MYH11: variants seen among roughly 807,000 people sequenced by gnomAD.
MYH11 encodes myosin heavy chain 11.
Under a neutral mutation model 246.6 loss-of-function variants are expected in MYH11, and 80 were observed. The observed-to-expected ratio is 0.32, with a 90% CI of 0.27 to 0.39. The LOEUF (loss-of-function observed/expected upper bound fraction) is 0.39, where lower values mean the gene tolerates loss of function less well. Ranked by LOEUF, MYH11 falls within the 10% of genes least tolerant of loss-of-function variation. MYH11 has a pLI of 1.00. For missense variants in MYH11, 2,158 were observed against 2,546.8 expected (o/e 0.85, Z 3.29); for synonymous variants, 1,071 against 1,015.5 (o/e 1.05, Z -1.04).
chr16:15,704,333 T>G (rs2039337754), intron 40 of MYH11, among the ~76,000 whole-genome samples: 2 of 152,164 alleles, frequency 1.3e-5, no homozygotes, highest in East Asian at 3.8e-4. Flanking sequence ...GTGATTGAAT[T>G]TAATCAGCTG....
chr16:15,839,555 G>A (rs1401157354), intron 1 of MYH11, among the ~76,000 whole-genome samples: 2 of 151,854 alleles, frequency 1.3e-5, no homozygotes, highest in African/African-American at 4.8e-5. Flanking sequence ...TTAATGGAGT[G>A]TGGTGGCACA....
intron 4 of MYH11, among the ~76,000 whole-genome samples, chr16:15,792,926 G>T (rs116947510): frequency 0.026 from 3,921 of 152,098 alleles, 76 homozygotes; most frequent in South Asian, 0.036. Context: ...GTAGAGAGGG[G>T]GTTTGGCCAT....
chr16:15,712,882 G>GTTTTTTTTTTTTTTGTTTTTTTTTTT (rs59799809), intron 40 of MYH11: 1 of 90,636 alleles, frequency 1.1e-5, no homozygotes, highest in African/African-American at 4.5e-5. Context: ...TTCACATACA[G>GTTTTTTTTTTTTTTGTTTTTTTTTTT]TTTTTTTTTT....
At chr16:15,773,532 C>T (rs535468819) in intron 8 of MYH11, among the ~76,000 whole-genome samples, 5 of 152,126 alleles carry the variant, frequency 3.3e-5, no homozygotes, top group African/African-American at 9.6e-5. Context: ...GTGATCCACC[C>T]GCCTCAGCCT....
chr16:15,791,481 A>C (rs1341961325), intron 4 of MYH11: 1 of 152,180 alleles, frequency 6.6e-6, no homozygotes, highest in Non-Finnish European at 1.5e-5. Context: ...CCCAGGCAGA[A>C]GCAACGCCTC....
intron 2 of MYH11, among the ~76,000 whole-genome samples, chr16:15,832,501 C>T (rs1473695491): frequency 6.6e-6 from 1 of 152,216 alleles, no homozygotes; most frequent in Non-Finnish European, 1.5e-5. Flanking sequence ...AAGCCCATCT[C>T]ACAGGGACTG....
At chr16:15,765,526 G>A (rs1872321443) in intron 9 of MYH11, among the ~76,000 whole-genome samples, 1 of 152,138 alleles carries the variant, frequency 6.6e-6, no homozygotes, top group Admixed American at 6.5e-5. Flanking sequence ...CAAATTCTTG[G>A]CTTAGCTTAA....
At chr16:15,708,679 A>G in intron 40 of MYH11, 2 of 1,021,368 alleles carry the variant, frequency 2.0e-6, no homozygotes, top group Middle Eastern at 2.4e-4. Flanking sequence ...AAGCCTCCAG[A>G]TTTTGCAAGA....
rs551214569 is a variant in MYH11, at chr16:15,719,233, T to G, written c.5158A>C (p.Ser1720Arg). The G allele has an allele frequency of 1.9e-6, 3 of 1,613,740 alleles. No homozygotes were observed. Among genetic ancestry groups the G allele is most frequent in the Middle Eastern group, 1.6e-4 (1 of 6,062 alleles). Residue 1720 changes from serine (S) to arginine (R), a missense_variant, in exon 36 of 41, where the codon AGC becomes CGC. By Grantham distance (110) the Ser-to-Arg change is moderately radical. This residue lies in a region of MYH11 where 1,013 missense variants were observed against 993.5 expected (regional missense o/e 1.02). Transcript: ENST00000300036. Reference sequence around the variant, plus strand: ...TCAGTTTCCTACCTTCCCGACAGGCTACTGGCCAGCTCCTCTGCCAGTTCC... The same window carrying G: ...TCAGTTTCCTACCTTCCCGACAGGCGACTGGCCAGCTCCTCTGCCAGTTCC... ...KEELAEELAS[S>R]LSGRNALQDE...
intron 38 of MYH11, 40 bp downstream of exon 38, chr16:15,717,100 C>A (rs541160168): frequency 1.9e-6 from 3 of 1,599,346 alleles, no homozygotes; most frequent in Admixed American, 3.3e-5. Context: ...CTGTCCATCA[C>A]CCCCCTGCAA....
rs772261326 is a variant in MYH11 at position 15,768,022 on chromosome 16, C to T, written c.1033+3547G>A. ...TGAACTCCTGGCCTCAAACGATCCT[C>T]TTGCCTTGGCCTCCCAAAGTGCTGG... On this transcript the variant is annotated intron_variant, in intron 9 of 40. Transcript: ENST00000300036. 2.0e-5 allele frequency among the ~76,000 whole-genome samples: 3 copies of T among 152,044 alleles called. No individual in the cohort carries two copies. The South Asian group carries it at 6.2e-4, about 31-fold the overall frequency.
chr16:15,717,530 C>T lies in MYH11; in HGVS notation c.5296-182G>A, dbSNP rs546763521. Reference sequence around the variant, plus strand: ...TTCTTCCAGGCCGGGCGTGGTGGCGCACGCCTGTAATCCCAGCACTTTTGG... The same window carrying T: ...TTCTTCCAGGCCGGGCGTGGTGGCGTACGCCTGTAATCCCAGCACTTTTGG... On this transcript the variant is annotated intron_variant, in intron 37 of 40. Coordinates refer to ENST00000300036, the MANE Select transcript of MYH11 (RefSeq NM_002474.3). The T allele has an allele frequency of 1.7e-4, 110 of 643,152 alleles. 1 individual carries two copies. The East Asian group carries it at 3.0e-3, about 18-fold the overall frequency. 39.8% of individuals were successfully genotyped at this position (643,152 alleles called of 1,614,324 possible). A position where few individuals can be genotyped will look rare whatever the true frequency, so the allele number is the denominator to read the frequency against.
At chr16:15,704,395 CT>C (rs1426398209) in intron 40 of MYH11, among the ~76,000 whole-genome samples, 3 of 151,952 alleles carry the variant, frequency 2.0e-5, no homozygotes, top group African/African-American at 7.3e-5. Flanking sequence ...AGACGATCTG[CT>C]TTTCAATATG....
chr16:15,785,727 C>G (rs1025701966), intron 5 of MYH11: 4 of 152,390 alleles, frequency 2.6e-5, no homozygotes, highest in African/African-American at 9.7e-5. Flanking sequence ...ACCACGTGCC[C>G]CCTCCTGTGG....
chr16:15,721,452 C>G lies in MYH11; in HGVS notation c.4548G>C (p.Leu1516=). ...TGCCCACGTCATCCTTGGAGCTGAC[C>G]AGGTCTTCCATTTCGGCTTTGAGCA... The part of the protein sequence containing the change: ...NKMLKAEMED[L]VSSKDDVGKN... Residue 1516 remains leucine, a synonymous_variant, in exon 32 of 41, where the codon CTG becomes CTC. Coordinates refer to ENST00000300036, the MANE Select transcript of MYH11 (RefSeq NM_002474.3). The G allele has an allele frequency of 6.2e-7, 1 of 1,614,170 alleles. No individual in the cohort carries two copies. The highest frequency in any genetic ancestry group is 8.5e-7 in the Non-Finnish European group (1 of 1,180,044).
At chr16:15,809,890 C>T (rs2151335981) in intron 3 of MYH11, among the ~76,000 whole-genome samples, 1 of 152,144 alleles carries the variant, frequency 6.6e-6, no homozygotes, top group African/African-American at 2.4e-5. Flanking sequence ...CCACTACACT[C>T]CAGCCTGGGC....
At chr16:15,851,644 G>T (rs1203296968) in intron 1 of MYH11, among the ~76,000 whole-genome samples, 5 of 152,046 alleles carry the variant, frequency 3.3e-5, no homozygotes, top group Admixed American at 6.6e-5. Flanking sequence ...CCAAGGGCTT[G>T]TTCCCAAGAA....
At chr16:15,740,281 G>A in intron 22 of MYH11, 93 bp from the exon 23 acceptor site, 1 of 1,581,884 alleles carries the variant, frequency 6.3e-7, no homozygotes. Flanking sequence ...GGCTAGGCCT[G>A]AAGATGCCCA....
rs140688587 is a variant in MYH11, at chr16:15,753,411, G to C, written c.1847C>G (p.Ala616Gly). ...LLNASSDKFV[A>G]DLWKDVDRIV... Reference sequence around the variant, plus strand: ...GGCCTTACCGTCCTTCCACAGGTCGGCCACAAACTTGTCGGAGGAGGCATT... The same window carrying C: ...GGCCTTACCGTCCTTCCACAGGTCGCCCACAAACTTGTCGGAGGAGGCATT... Residue 616 changes from alanine (A) to glycine (G), a missense_variant, in exon 15 of 41, where the codon GCC becomes GGC. Ala to Gly is a moderately conservative substitution (Grantham distance 60). Around this residue, in one of 11 missense-constraint regions of MYH11, gnomAD observed 317 missense variants for 507.7 expected, o/e 0.62. Coordinates refer to ENST00000300036, the MANE Select transcript of MYH11 (RefSeq NM_002474.3). 24 of 1,613,950 alleles carry C rather than the reference G, an allele frequency of 1.5e-5. No homozygotes were observed. Among genetic ancestry groups the C allele is most frequent in the Non-Finnish European group, 2.0e-5 (24 of 1,179,974 alleles).
Sources: allele counts gnomAD v4.1 joint callset (sites outside exome capture counted in the v4.1 genomes callset), GRCh38; gene constraint gnomAD v4.1.1; regional missense constraint gnomAD v4.1.1; transcripts MANE v1.5; gene names NCBI Gene and HGNC (gene_info 2026-07-23, HGNC 2026-07-21).